Variants in DGKB observed in about 807,000 individuals in gnomAD.
DGKB encodes 90 kDa diacylglycerol kinase.
A neutral mutation model predicts 114.3 loss-of-function variants in DGKB; 67 were observed. The observed-to-expected ratio is 0.59, with a 90% CI of 0.48 to 0.72. The LOEUF (loss-of-function observed/expected upper bound fraction) is 0.72, where lower values mean the gene tolerates loss of function less well. Among genes scored for constraint, DGKB ranks in the 30% least tolerant of loss-of-function variants. The pLI is 0.00. For missense variants in DGKB, 907 were observed against 975.2 expected (o/e 0.93, Z 0.93); for synonymous variants, 398 against 323.1 (o/e 1.23, Z -2.49).
chr7:14,521,074 T>C (rs372741740), intron 20 of DGKB, among the ~76,000 whole-genome samples: 1 of 152,140 alleles, frequency 6.6e-6, no homozygotes, highest in Non-Finnish European at 1.5e-5. Context: ...AGGAATTTTT[T>C]TGTATTGTCC....
chr7:14,150,993 C>A (rs1782111349), intron 25 of DGKB, among the ~76,000 whole-genome samples: 1 of 152,006 alleles, frequency 6.6e-6, no homozygotes, highest in Admixed American at 6.6e-5. Flanking sequence ...TGAACAAGCA[C>A]ATTGAATGGT....
upstream of DGKB, among the ~76,000 whole-genome samples, chr7:14,906,119 G>T (rs370446716): frequency 1.9e-4 from 29 of 151,696 alleles, no homozygotes; most frequent in African/African-American, 7.0e-4. Context: ...GGCTTTCAGG[G>T]TCCTATTTAA....
At chr7:14,486,442 C>G (rs1195786839) in intron 20 of DGKB, among the ~76,000 whole-genome samples, 2 of 152,152 alleles carry the variant, frequency 1.3e-5, no homozygotes, top group African/African-American at 4.8e-5. Context: ...AGCTAGTTAC[C>G]AGACCCAGAG....
chr7:14,747,667 G>A (rs796141274), intron 4 of DGKB, among the ~76,000 whole-genome samples: 33 of 152,092 alleles, frequency 2.2e-4, no homozygotes, highest in African/African-American at 7.2e-4. Flanking sequence ...AATAGAATGA[G>A]ATCATTTATA....
chr7:14,265,318 CTTTTTTTTTTT>C lies in DGKB; in HGVS notation c.2122+73186_2122+73196del, dbSNP rs781569705. Among the ~76,000 whole-genome samples, 344 of 67,752 alleles carry C rather than the reference CTTTTTTTTTTT, an allele frequency of 5.1e-3. 9 individuals carry two copies. The highest frequency in any genetic ancestry group is 0.023 in the African/African-American group (335 of 14,688). The allele number at this position is 67,752 out of a possible 152,430, so 44.4% of individuals were successfully genotyped here. A position where few individuals can be genotyped will look rare whatever the true frequency, so the allele number is the denominator to read the frequency against. On this transcript the variant is annotated intron_variant, in intron 23 of 25. Coordinates refer to ENST00000402815, the MANE Select transcript of DGKB (RefSeq NM_001350709.2). ...GGACTGCTGTCTTTTCTCTTGCATT[CTTTTTTTTTTT>C]TTTTTTTTTGCTTAGTAGTCTCATT...
chr7:14,839,514 A>C (rs930180066), intron 2 of DGKB, among the ~76,000 whole-genome samples: 1 of 144,872 alleles, frequency 6.9e-6, no homozygotes, highest in African/African-American at 2.6e-5. Context: ...CAATCCTCTC[A>C]CCTCAGCCTG....
At chr7:14,450,286 A>C (rs1365698800) in intron 21 of DGKB, among the ~76,000 whole-genome samples, 3 of 152,166 alleles carry the variant, frequency 2.0e-5, no homozygotes, top group Admixed American at 2.0e-4. Flanking sequence ...CCAGGTAATA[A>C]TCTAAAGACA....
chr7:14,693,089 T>C (rs1823169136), intron 9 of DGKB, among the ~76,000 whole-genome samples: 1 of 152,152 alleles, frequency 6.6e-6, no homozygotes, highest in Non-Finnish European at 1.5e-5. Context: ...TAGTCTTGAA[T>C]CTGTAAAAAT....
chr7:14,314,939 A>C (rs1806188783), intron 23 of DGKB, among the ~76,000 whole-genome samples: 1 of 151,704 alleles, frequency 6.6e-6, no homozygotes, highest in South Asian at 2.1e-4. Context: ...ATCTCTCGGC[A>C]GAAACCCTAC....
intron 21 of DGKB, among the ~76,000 whole-genome samples, chr7:14,353,260 A>C (rs941222793): frequency 2.6e-5 from 4 of 152,154 alleles, no homozygotes; most frequent in Admixed American, 6.5e-5. Context: ...ACCTTTGTTC[A>C]TATTTCTGTT....
Position 14,895,351 on chromosome 7 carries a change from T to A in DGKB, c.-188+7241A>T, listed in dbSNP as rs191270117. Among the ~76,000 whole-genome samples, 24 of 151,646 alleles carry A rather than the reference T, an allele frequency of 1.6e-4. No homozygotes were observed. In the East Asian group the frequency reaches 2.5e-3, roughly 16 times the overall value. ...ACTCACTGCCACCTGTTATACTCAC[T>A]GTCAACAAGACAGACCAGGTCTACA... On this transcript the variant is annotated intron_variant, in intron 1 of 25. Transcript: ENST00000402815.
At chr7:14,321,455 G>A (rs188008967) in intron 23 of DGKB, among the ~76,000 whole-genome samples, 1 of 152,040 alleles carries the variant, frequency 6.6e-6, no homozygotes, top group Admixed American at 6.5e-5. Flanking sequence ...CTGAAAAGGT[G>A]TATCCATAAA....
At chr7:14,611,100 G>T (rs1476822964) in intron 16 of DGKB, among the ~76,000 whole-genome samples, 2 of 151,860 alleles carry the variant, frequency 1.3e-5, no homozygotes, top group African/African-American at 4.8e-5. Flanking sequence ...CTTTCATTGG[G>T]CAAACATCTA....
At chr7:14,581,460 C>T (rs997415308) in intron 18 of DGKB, among the ~76,000 whole-genome samples, 2 of 152,178 alleles carry the variant, frequency 1.3e-5, no homozygotes, top group African/African-American at 4.8e-5. Flanking sequence ...ACCCATGGTG[C>T]TGCTTTGTGT....
chr7:14,546,021 G>C (rs1215700302), intron 20 of DGKB, among the ~76,000 whole-genome samples: 1 of 152,100 alleles, frequency 6.6e-6, no homozygotes, highest in Non-Finnish European at 1.5e-5. Context: ...CTAAGCAAAG[G>C]AGCTGACTGA....
intron 17 of DGKB, among the ~76,000 whole-genome samples, chr7:14,586,802 C>G (rs1800846566): frequency 6.6e-6 from 1 of 150,976 alleles, no homozygotes; most frequent in African/African-American, 2.4e-5. Flanking sequence ...TATCGCATTT[C>G]TTTACAGCAT....
chr7:14,315,017 A>T (rs1305624480), intron 23 of DGKB, among the ~76,000 whole-genome samples: 3 of 152,030 alleles, frequency 2.0e-5, no homozygotes, highest in African/African-American at 7.2e-5. Context: ...CCAGAATTTC[A>T]TATGCAGCCA....
intron 1 of DGKB, among the ~76,000 whole-genome samples, chr7:14,921,455 T>C (rs1385472971): frequency 1.3e-5 from 2 of 152,288 alleles, no homozygotes; most frequent in African/African-American, 4.8e-5. Context: ...CGAACATCAT[T>C]AGAAAAATAA....
intron 21 of DGKB, among the ~76,000 whole-genome samples, chr7:14,387,091 C>G (rs28729840): frequency 0.4 from 59,172 of 148,208 alleles, 13,738 homozygotes; most frequent in African/African-American, 0.66. Flanking sequence ...TTGTTTGTTT[C>G]TTTTGATTAT....
Sources: allele counts gnomAD v4.1 joint callset (sites outside exome capture counted in the v4.1 genomes callset), GRCh38; gene constraint gnomAD v4.1.1; transcripts MANE v1.5; gene names NCBI Gene and HGNC (gene_info 2026-07-23, HGNC 2026-07-21).